Variants in ABR observed in about 807,000 individuals in gnomAD.
ABR encodes active breakpoint cluster region-related protein.
A neutral mutation model predicts 107.2 loss-of-function variants in ABR; 35 were observed. That is an observed-to-expected ratio of 0.33 (90% CI 0.25 to 0.43). The LOEUF (loss-of-function observed/expected upper bound fraction) is 0.43. ABR is among the 20% of genes least tolerant of loss of function. ABR has a pLI of 1.00. For missense variants in ABR, 815 were observed against 1,115.2 expected (o/e 0.73, Z 3.83); for synonymous variants, 498 against 462.0 (o/e 1.08, Z -1.00).
In ABR at chr17:1,078,761, G is replaced by A. The variant is rs376365138; in HGVS notation, c.700+569C>T. The stretch of plus-strand genomic sequence containing the variant: ...GGCCACATCTAAGCCCACTCCAGCC[G>A]GCCCCCAGAGGTGGGAGGGTCCGCC... On this transcript the variant is annotated intron_variant, in intron 6 of 22. Coordinates refer to ENST00000302538, the MANE Select transcript of ABR (RefSeq NM_021962.5). The surrounding 1 kb of genome is among the most constrained non-coding windows in gnomAD (Gnocchi z 7.5). 112 of 1,520,440 alleles carry A rather than the reference G, an allele frequency of 7.4e-5. 1 individual carries two copies. The highest frequency in any genetic ancestry group is 1.7e-4 in the Middle Eastern group (1 of 5,964). 94.2% of individuals were successfully genotyped at this position (1,520,440 alleles called of 1,614,324 possible).
At chr17:1,114,273 C>A (rs62067941) in intron 2 of ABR, among the ~76,000 whole-genome samples, 1 of 151,334 alleles carries the variant, frequency 6.6e-6, no homozygotes, top group East Asian at 1.9e-4. Flanking sequence ...AGTTCGTGAC[C>A]AGCCTGGTCT....
intron 1 of ABR, chr17:1,228,399 G>A: frequency 6.6e-6 from 1 of 152,570 alleles, no homozygotes; most frequent in Non-Finnish European, 1.5e-5. Flanking sequence ...CCGGGAGATG[G>A]GAAGCCCCTG....
intron 16 of ABR, among the ~76,000 whole-genome samples, chr17:1,020,914 C>T (rs1038107761): frequency 7.2e-5 from 11 of 152,096 alleles, no homozygotes; most frequent in East Asian, 1.9e-4. Context: ...TTCAGGGGCA[C>T]GCTCCCTCCG....
intron 16 of ABR, among the ~76,000 whole-genome samples, chr17:1,040,514 G>A (rs955112380): frequency 1.3e-5 from 2 of 152,234 alleles, no homozygotes; most frequent in Non-Finnish European, 2.9e-5. Flanking sequence ...TATGAGGTTG[G>A]TTCAGCAAAG....
upstream of ABR, among the ~76,000 whole-genome samples, chr17:1,180,370 A>C (rs2042094652): frequency 6.6e-6 from 1 of 152,084 alleles, no homozygotes; most frequent in South Asian, 2.1e-4. Flanking sequence ...CTCCCCAGCC[A>C]GACCCGCTGC....
chr17:1,108,068 G>C (rs892839949), intron 2 of ABR, among the ~76,000 whole-genome samples: 4 of 152,242 alleles, frequency 2.6e-5, no homozygotes, highest in Non-Finnish European at 4.4e-5. Flanking sequence ...CACTCGGTTA[G>C]GCAGCCTCGC....
chr17:1,143,778 T>G (rs992229291), intron 1 of ABR, among the ~76,000 whole-genome samples: 2 of 152,074 alleles, frequency 1.3e-5, no homozygotes, highest in South Asian at 4.1e-4. Flanking sequence ...AAAGGAATCA[T>G]AGTTCTTGGA....
intron 17 of ABR, 86 bp from the exon 18 acceptor site, chr17:1,012,883 G>A (rs1299908561): frequency 1.7e-6 from 2 of 1,204,970 alleles, no homozygotes; most frequent in East Asian, 2.5e-5. Context: ...CCCTCCCCAA[G>A]ACTGCAAATG....
intron 16 of ABR, among the ~76,000 whole-genome samples, chr17:1,013,625 G>A (rs936234606): frequency 6.6e-5 from 10 of 152,256 alleles, no homozygotes; most frequent in Non-Finnish European, 1.2e-4. Flanking sequence ...TGGAGGTGTT[G>A]AAGAGTCAGG....
intron 2 of ABR, chr17:1,109,018 G>T (rs762077158): frequency 1.3e-6 from 2 of 1,598,054 alleles, no homozygotes; most frequent in Non-Finnish European, 1.7e-6. Context: ...ACACATCTTC[G>T]TCCTCCAGAA....
Position 1,050,486 on chromosome 17 carries a change from C to A in ABR, c.1659+51G>T, listed in dbSNP as rs761017655. ...CTGGCCGTCCCCAGCAGACAAGCCACGAGCACGGGGTGGTGGGGTCCCCAC... is the reference window on the plus strand; with the variant it reads ...CTGGCCGTCCCCAGCAGACAAGCCAAGAGCACGGGGTGGTGGGGTCCCCAC... On this transcript the variant is annotated intron_variant, in intron 15 of 22. Transcript: ENST00000302538. This position sits in a 1 kb window ranked among gnomAD's most constrained non-coding sequence, Gnocchi z 4.6. 2.0e-6 allele frequency: 3 copies of A among 1,536,458 alleles called. No homozygotes were observed. Among genetic ancestry groups the A allele is most frequent in the Admixed American group, 3.3e-5 (2 of 59,878 alleles).
chr17:1,116,960 G>A (rs1478831199), intron 2 of ABR, among the ~76,000 whole-genome samples: 1 of 152,170 alleles, frequency 6.6e-6, no homozygotes, highest in African/African-American at 2.4e-5. Flanking sequence ...TCAGGAGGGA[G>A]TGGAGCAGGC....
At chr17:1,206,256 TA>T (rs1410109380) in intron 1 of ABR, among the ~76,000 whole-genome samples, 1 of 152,234 alleles carries the variant, frequency 6.6e-6, no homozygotes, top group African/African-American at 2.4e-5. Flanking sequence ...GATGCGTTTA[TA>T]GTGTAACTGC....
chr17:1,116,600 C>T (rs2259823), intron 2 of ABR, among the ~76,000 whole-genome samples: 91,073 of 151,986 alleles, frequency 0.6, 28,085 homozygotes, highest in East Asian at 0.77. Flanking sequence ...GTAGGAGGGC[C>T]AGAGAGGACG....
At chr17:1,073,745 C>T in intron 6 of ABR, 68 bp from the exon 7 acceptor site, 1 of 1,410,646 alleles carries the variant, frequency 7.1e-7, no homozygotes, top group Non-Finnish European at 9.7e-7. Flanking sequence ...CCCCAGAGAC[C>T]AGCTTCGTCC....
intron 1 of ABR, among the ~76,000 whole-genome samples, chr17:1,167,486 G>A (rs1274036932): frequency 6.6e-6 from 1 of 152,196 alleles, no homozygotes; most frequent in African/African-American, 2.4e-5. Context: ...GTGAAAGGCT[G>A]GTCCCCCGAG....
At chr17:1,174,825 T>C (rs1327079593) in intron 1 of ABR, among the ~76,000 whole-genome samples, 2 of 152,088 alleles carry the variant, frequency 1.3e-5, no homozygotes, top group Non-Finnish European at 2.9e-5. Context: ...GCCTCTCCTC[T>C]AAGTAAGTCC....
intron 14 of ABR, 163 bp downstream of exon 14, chr17:1,055,872 T>C (rs192983529): frequency 2.2e-4 from 142 of 631,342 alleles, no homozygotes; most frequent in Non-Finnish European, 3.6e-4. Flanking sequence ...AAGAGGACTT[T>C]GGAGACAAAG....
chr17:1,021,621 TGGC>T (rs2071653479), intron 16 of ABR, among the ~76,000 whole-genome samples: 1 of 150,582 alleles, frequency 6.6e-6, no homozygotes, highest in Non-Finnish European at 1.5e-5. Context: ...CTGACCAACG[TGGC>T]GAAACCCCGT....
Sources: allele counts gnomAD v4.1 joint callset (sites outside exome capture counted in the v4.1 genomes callset), GRCh38; gene constraint gnomAD v4.1.1; non-coding constraint Gnocchi (gnomAD v3.1); transcripts MANE v1.5; gene names NCBI Gene and HGNC (gene_info 2026-07-23, HGNC 2026-07-21).